Variants in CNTNAP2 observed in about 807,000 individuals in gnomAD.
CNTNAP2 encodes the protein contactin associated protein 2.
In CNTNAP2, 98 loss-of-function variants were observed where a neutral mutation model predicts 155.2. The observed-to-expected ratio is 0.63, with a 90% CI of 0.54 to 0.75. The LOEUF (loss-of-function observed/expected upper bound fraction) is 0.75. Ranked by LOEUF, CNTNAP2 falls within the 30% of genes least tolerant of loss-of-function variation. The pLI is 0.00. For missense variants in CNTNAP2, 1,727 were observed against 1,688.1 expected (o/e 1.02, Z -0.40); for synonymous variants, 651 against 631.2 (o/e 1.03, Z -0.47).
At chr7:146,569,314 C>G (rs1007340126) in intron 1 of CNTNAP2, among the ~76,000 whole-genome samples, 1 of 152,154 alleles carries the variant, frequency 6.6e-6, no homozygotes, top group African/African-American at 2.4e-5. Context: ...CCGCCGCGCC[C>G]GGCCTCTCTG....
intron 8 of CNTNAP2, among the ~76,000 whole-genome samples, chr7:147,228,542 C>A (rs1356252129): frequency 6.6e-6 from 1 of 152,078 alleles, no homozygotes; most frequent in Admixed American, 6.6e-5. Context: ...AGCCTCTCAG[C>A]CTTTCTTGGA....
chr7:146,353,818 A>C (rs1794958190), intron 1 of CNTNAP2, among the ~76,000 whole-genome samples: 1 of 152,130 alleles, frequency 6.6e-6, no homozygotes, highest in South Asian at 2.1e-4. Flanking sequence ...ACTCCTCTGT[A>C]GGATAAGAGT....
At chr7:147,764,523 G>A (rs1797355976) in intron 13 of CNTNAP2, among the ~76,000 whole-genome samples, 1 of 152,150 alleles carries the variant, frequency 6.6e-6, no homozygotes, top group African/African-American at 2.4e-5. Flanking sequence ...CTAGTGGAAG[G>A]CAAAGGGTGC....
chr7:146,390,930 G>A (rs975251539), intron 1 of CNTNAP2, among the ~76,000 whole-genome samples: 2 of 149,216 alleles, frequency 1.3e-5, no homozygotes, highest in Non-Finnish European at 1.5e-5. Context: ...AGCCGGACAC[G>A]GTGGCACGTG....
At chr7:147,270,386 TGTTAC>T (rs1447454601) in intron 8 of CNTNAP2, among the ~76,000 whole-genome samples, 2 of 152,220 alleles carry the variant, frequency 1.3e-5, no homozygotes, top group Admixed American at 1.3e-4. Flanking sequence ...ATTGCTTGCA[TGTTAC>T]AATAATAATA....
intron 14 of CNTNAP2, among the ~76,000 whole-genome samples, chr7:147,970,160 C>T (rs561119773): frequency 6.6e-6 from 1 of 151,940 alleles, no homozygotes; most frequent in Non-Finnish European, 1.5e-5. Context: ...GAATTCCCAC[C>T]TCAGCCTCCC....
chr7:146,418,862 A>T (rs1243932831), intron 1 of CNTNAP2, among the ~76,000 whole-genome samples: 1 of 152,106 alleles, frequency 6.6e-6, no homozygotes, highest in African/African-American at 2.4e-5. Flanking sequence ...AGACGAAGTG[A>T]AGACAGGGAC....
At chr7:147,030,236 T>C (rs1242922980) in intron 3 of CNTNAP2, among the ~76,000 whole-genome samples, 3 of 152,204 alleles carry the variant, frequency 2.0e-5, no homozygotes, top group Admixed American at 6.5e-5. Flanking sequence ...TCCTATGAAA[T>C]TTGTTGCTGT....
At position 146,443,377 on chromosome 7, in the gene CNTNAP2, AAG is replaced by A. The variant is rs200778830; in HGVS notation, c.97+326409_97+326410del. On this transcript the variant is annotated intron_variant, in intron 1 of 23. Transcript: ENST00000361727. ...AATTGCATAATCGTATTTAGAATAAAAGAGAGTTTCAGAGTGTGCCTCTGCTC... is the reference window on the plus strand; with the variant it reads ...AATTGCATAATCGTATTTAGAATAAAAGAGTTTCAGAGTGTGCCTCTGCTC... Among the ~76,000 whole-genome samples the A allele has an allele frequency of 6.6e-3, 1,012 of 152,238 alleles. 9 individuals are homozygous for A. Among genetic ancestry groups the A allele is most frequent in the African/African-American group, 0.022 (916 of 41,558 alleles).
At chr7:146,178,176 G>A (rs1798497231) in intron 1 of CNTNAP2, among the ~76,000 whole-genome samples, 1 of 152,084 alleles carries the variant, frequency 6.6e-6, no homozygotes, top group South Asian at 2.1e-4. Flanking sequence ...TGGGACTACA[G>A]GCACCTGCCA....
At chr7:146,383,587 G>A (rs1795420871) in intron 1 of CNTNAP2, among the ~76,000 whole-genome samples, 2 of 152,128 alleles carry the variant, frequency 1.3e-5, no homozygotes, top group Non-Finnish European at 2.9e-5. Context: ...TGTGACCTAG[G>A]TGAATCTGAT....
At chr7:146,322,224 A>G (rs1027889545) in intron 1 of CNTNAP2, among the ~76,000 whole-genome samples, 2 of 152,144 alleles carry the variant, frequency 1.3e-5, no homozygotes, top group East Asian at 3.9e-4. Context: ...AGAGCATGTC[A>G]CTGATAGCTG....
chr7:148,099,421 T>TTGTGTGTGTGTGTGTG lies in CNTNAP2; in HGVS notation c.2384-18673_2384-18658dup, dbSNP rs35957905. On this transcript the variant is annotated intron_variant, in intron 15 of 23. Transcript: ENST00000361727. Reference sequence around the variant, plus strand: ...TCCTTGCAAGAAAAAAGCATTGCAATTGTGTGTGTGTGTGTGTGTGTGTGT... The same window carrying TTGTGTGTGTGTGTGTG: ...TCCTTGCAAGAAAAAAGCATTGCAATTGTGTGTGTGTGTGTGTGTGTGTGTGTGTGTGTGTGTGTGT... Among the ~76,000 whole-genome samples the TTGTGTGTGTGTGTGTG allele has an allele frequency of 3.4e-3, 485 of 141,024 alleles. 8 individuals are homozygous for TTGTGTGTGTGTGTGTG. Among genetic ancestry groups the TTGTGTGTGTGTGTGTG allele is most frequent in the East Asian group, 0.021 (98 of 4,660 alleles). 92.5% of individuals were successfully genotyped at this position (141,024 alleles called of 152,430 possible). A position where few individuals can be genotyped will look rare whatever the true frequency, so the allele number is the denominator to read the frequency against.
chr7:146,465,031 G>T (rs1033296756), intron 1 of CNTNAP2, among the ~76,000 whole-genome samples: 2 of 151,940 alleles, frequency 1.3e-5, no homozygotes, highest in African/African-American at 4.8e-5. Context: ...TTTGTGATTT[G>T]TTCAGTTAGA....
chr7:147,518,841 GC>G (rs1260149533), intron 11 of CNTNAP2, among the ~76,000 whole-genome samples: 1 of 151,938 alleles, frequency 6.6e-6, no homozygotes, highest in East Asian at 1.9e-4. Flanking sequence ...GACCAGCCTG[GC>G]CAACATAGTG....
chr7:148,349,515 C>G (rs1293745148), intron 21 of CNTNAP2, among the ~76,000 whole-genome samples: 2 of 151,150 alleles, frequency 1.3e-5, no homozygotes, highest in Non-Finnish European at 2.9e-5. Flanking sequence ...CATTCTCCTG[C>G]CTCAGTCTCC....
chr7:146,609,153 A>G (rs1563155136), intron 1 of CNTNAP2, among the ~76,000 whole-genome samples: 1 of 152,146 alleles, frequency 6.6e-6, no homozygotes, highest in Non-Finnish European at 1.5e-5. Context: ...CACATTGATC[A>G]TCTAAGTTTT....
intron 8 of CNTNAP2, among the ~76,000 whole-genome samples, chr7:147,268,468 A>G (rs1402808803): frequency 6.6e-6 from 1 of 152,126 alleles, no homozygotes; most frequent in Admixed American, 6.5e-5. Flanking sequence ...TAATGAGAAC[A>G]CATGGACACA....
chr7:147,132,302 A>T lies in CNTNAP2; in HGVS notation c.1141A>T (p.Thr381Ser). The T allele has an allele frequency of 1.9e-6, 3 of 1,613,754 alleles. No homozygotes were observed. Among genetic ancestry groups the T allele is most frequent in the Non-Finnish European group, 2.5e-6 (3 of 1,179,794 alleles). Residue 381 changes from threonine (T) to serine (S), a missense_variant, in exon 8 of 24, where the codon ACA (threonine) becomes TCA (serine). Coordinates refer to ENST00000361727, the MANE Select transcript of CNTNAP2 (RefSeq NM_014141.6). ...PYTVPVFFNA[T>S]SYLEVPGRLN... is the part of the protein sequence containing the mutation. ...TACGGTGCCTGTCTTTTTCAACGCT[A>T]CAAGTTACCTGGAGGTGCCCGGACG...
Sources: allele counts gnomAD v4.1 joint callset (sites outside exome capture counted in the v4.1 genomes callset), GRCh38; gene constraint gnomAD v4.1.1; transcripts MANE v1.5; gene names NCBI Gene and HGNC (gene_info 2026-07-23, HGNC 2026-07-21).